ARHGAP6: variants seen among roughly 807,000 people sequenced by gnomAD.
ARHGAP6 encodes Rho GTPase activating protein 6, also known as rho GTPase-activating protein 6.
ARHGAP6 carries 16 observed loss-of-function variants against 55.7 expected under a neutral mutation model. The ratio of observed to expected loss-of-function variants is 0.29; its 90% CI spans 0.19 to 0.44. The LOEUF is 0.44. Ranked by LOEUF, ARHGAP6 falls within the 20% of genes least tolerant of loss-of-function variation. The pLI, the probability that ARHGAP6 is intolerant of heterozygous loss-of-function variation, is 1.00. For synonymous variants in ARHGAP6, 382 were observed against 360.9 expected, an observed-to-expected ratio of 1.06 and a Z score of -0.66; for missense variants, 698 against 808.9, an observed-to-expected ratio of 0.86 and a Z score of 1.66.
At chrX:11,590,311 T>G (rs2051789352) in intron 1 of ARHGAP6, among the ~76,000 whole-genome samples, 3 of 111,697 alleles carry the variant, frequency 2.7e-5, no homozygotes, top group African/African-American at 9.8e-5. Context: ...AATCTTGATT[T>G]CCAAAGCTCT....
At chrX:11,601,000 T>C (rs911829879) in intron 1 of ARHGAP6, among the ~76,000 whole-genome samples, 1 of 112,104 alleles carries the variant, frequency 8.9e-6, no homozygotes, top group African/African-American at 3.2e-5. Flanking sequence ...ACTTCCATCC[T>C]GTACTGTGCA....
At position 11,242,283 on chromosome X, in the gene ARHGAP6, T is replaced by C. The variant is rs191619987; in HGVS notation, c.748+12265A>G. 3.7e-4 allele frequency among the ~76,000 whole-genome samples: 42 copies of C among 112,438 alleles called. No individual in the cohort carries two copies. The Admixed American group carries it at 3.8e-3, about 10-fold the overall frequency. On this transcript the variant is annotated intron_variant, in intron 2 of 12. Transcript: ENST00000337414. Reference sequence around the variant, plus strand: ...AGGTAGGGAAGCTGATCTCATGGTTTAGATGCCATAGCTTTAAAGGCTCAA... The same window carrying C: ...AGGTAGGGAAGCTGATCTCATGGTTCAGATGCCATAGCTTTAAAGGCTCAA...
intron 1 of ARHGAP6, among the ~76,000 whole-genome samples, chrX:11,527,006 T>G (rs1016796052): frequency 2.3e-5 from 2 of 85,230 alleles, no homozygotes; most frequent in Non-Finnish European, 4.7e-5. Context: ...TTTGCTAATA[T>G]GAGGAGTGTG....
intron 1 of ARHGAP6, among the ~76,000 whole-genome samples, chrX:11,307,622 G>A (rs2048251566): frequency 8.9e-6 from 1 of 112,576 alleles, no homozygotes; most frequent in South Asian, 3.7e-4. Flanking sequence ...TCTTAATCTG[G>A]AAGTAGGTAC....
chrX:11,138,879 G>A lies in ARHGAP6; in HGVS notation c.2909C>T (p.Pro970Leu). Reference protein sequence around the residue: ...LLSTDNPDALPETLV With the variant: ...LLSTDNPDALLETLV ...GGTGCGGGCTCAGACCAGCGTCTCG[G>A]GCAGGGCATCGGGGTTGTCGGTCGA... Residue 970 changes from proline (P) to leucine (L), a missense_variant, in exon 13 of 13, where the codon CCC becomes CTC. Transcript: ENST00000337414. 1 of 1,184,318 alleles carries A rather than the reference G, an allele frequency of 8.4e-7. No individual in the cohort carries two copies. The highest frequency in any genetic ancestry group is 1.1e-6 in the Non-Finnish European group (1 of 887,856).
At chrX:11,581,968 A>C (rs975134410) in intron 1 of ARHGAP6, among the ~76,000 whole-genome samples, 1 of 111,590 alleles carries the variant, frequency 9.0e-6, no homozygotes, top group African/African-American at 3.3e-5. Flanking sequence ...ATGATGACTT[A>C]CACCTTAGAA....
At chrX:11,642,913 A>T (rs748689595) in intron 1 of ARHGAP6, among the ~76,000 whole-genome samples, 12 of 111,721 alleles carry the variant, frequency 1.1e-4, no homozygotes, top group Non-Finnish European at 1.7e-4. Flanking sequence ...TGTTTTTTTT[A>T]AAACAATAAA....
At chrX:11,523,007 C>T (rs934352653) in intron 1 of ARHGAP6, among the ~76,000 whole-genome samples, 8 of 111,725 alleles carry the variant, frequency 7.2e-5, no homozygotes, top group African/African-American at 2.3e-4. Flanking sequence ...CAAACAGAAT[C>T]CAGCAGCACA....
At chrX:11,540,776 G>C (rs2051150240) in intron 1 of ARHGAP6, among the ~76,000 whole-genome samples, 1 of 112,680 alleles carries the variant, frequency 8.9e-6, no homozygotes, top group South Asian at 3.7e-4. Flanking sequence ...AGCAATCATA[G>C]GGCGTTGGAA....
chrX:11,294,940 T>G, intron 1 of ARHGAP6: 1 of 891,427 alleles, frequency 1.1e-6, no homozygotes, highest in Admixed American at 2.2e-5. Flanking sequence ...TAAAACAGTA[T>G]GAGATCAGAT....
At chrX:11,450,387 G>A (rs1211981698) in intron 1 of ARHGAP6, among the ~76,000 whole-genome samples, 2 of 112,021 alleles carry the variant, frequency 1.8e-5, no homozygotes, top group African/African-American at 6.5e-5. Context: ...ATTTCAACGT[G>A]CTCAGCTACC....
chrX:11,308,829 ACT>A (rs748908906), intron 1 of ARHGAP6, among the ~76,000 whole-genome samples: 8 of 112,494 alleles, frequency 7.1e-5, no homozygotes, highest in Non-Finnish European at 1.1e-4. Flanking sequence ...ATTTTCAAAT[ACT>A]GAGAAAATAG....
At chrX:11,226,440 A>G (rs1420587903) in intron 2 of ARHGAP6, among the ~76,000 whole-genome samples, 1 of 111,534 alleles carries the variant, frequency 9.0e-6, no homozygotes, top group African/African-American at 3.3e-5. Context: ...TTGGTTATAC[A>G]TTATAAATTA....
intron 2 of ARHGAP6, among the ~76,000 whole-genome samples, chrX:11,238,876 G>C (rs1193798313): frequency 1.8e-5 from 2 of 111,780 alleles, no homozygotes; most frequent in Non-Finnish European, 3.8e-5. Flanking sequence ...CCCTGAACCA[G>C]AACACCCAAG....
intron 1 of ARHGAP6, among the ~76,000 whole-genome samples, chrX:11,587,813 G>A (rs2051753412): frequency 8.9e-6 from 1 of 111,823 alleles, no homozygotes; most frequent in Non-Finnish European, 1.9e-5. Flanking sequence ...TTAATGTGCT[G>A]CAAGATGGAG....
intron 1 of ARHGAP6, among the ~76,000 whole-genome samples, chrX:11,257,970 G>A (rs2147492026): frequency 9.0e-6 from 1 of 111,222 alleles, no homozygotes; most frequent in South Asian, 3.8e-4. Flanking sequence ...GGCTTGTTCA[G>A]GGAATTACAA....
At chrX:11,457,011 C>T (rs979865639) in intron 1 of ARHGAP6, among the ~76,000 whole-genome samples, 3 of 111,549 alleles carry the variant, frequency 2.7e-5, no homozygotes, top group Non-Finnish European at 5.6e-5. Flanking sequence ...AGATTTTGTA[C>T]TATCCTGTTA....
chrX:11,298,565 C>T (rs368149347), intron 1 of ARHGAP6: 16 of 1,209,066 alleles, frequency 1.3e-5, no homozygotes, highest in South Asian at 8.8e-5. Context: ...CCTATGGTTA[C>T]GAGCCCATGG....
chrX:11,409,169 C>G (rs372529557), intron 1 of ARHGAP6, among the ~76,000 whole-genome samples: 1 of 112,213 alleles, frequency 8.9e-6, no homozygotes, highest in East Asian at 2.8e-4. Flanking sequence ...TTTGCACAAA[C>G]TATTCCTTCT....
Sources: allele counts gnomAD v4.1 joint callset (sites outside exome capture counted in the v4.1 genomes callset), GRCh38; gene constraint gnomAD v4.1.1; transcripts MANE v1.5; gene names NCBI Gene and HGNC (gene_info 2026-07-23, HGNC 2026-07-21).